The following UNC93A variants were observed in gnomAD, a reference collection of about 807,000 sequenced individuals.
UNC93A encodes the protein N-acetylglucosamine transporter UNC93A.
A neutral mutation model predicts 47.5 loss-of-function variants in UNC93A; 43 were observed. That is an observed-to-expected ratio of 0.91 (90% confidence interval 0.71 to 1.17). The LOEUF is 1.17. Ranked by LOEUF, UNC93A falls within the 50% of genes most tolerant of loss-of-function variation. The probability of loss-of-function intolerance (pLI) is 0.00; values close to 1 mark genes in which losing one functional copy is unlikely to be tolerated. For synonymous variants in UNC93A, 280 were observed against 258.0 expected, an observed-to-expected ratio of 1.09 and a Z score of -0.82; for missense variants, 605 against 577.6, an observed-to-expected ratio of 1.05 and a Z score of -0.49.
chr6:167,307,238 C>A (rs1778423046), intron 6 of UNC93A, among the ~76,000 whole-genome samples: 1 of 152,214 alleles, frequency 6.6e-6, no homozygotes, highest in Non-Finnish European at 1.5e-5. Context: ...CCAAGGCCCT[C>A]CAGGCTGAGG....
intron 1 of UNC93A, among the ~76,000 whole-genome samples, chr6:167,276,254 G>C (rs888584093): frequency 6.6e-6 from 1 of 151,830 alleles, no homozygotes; most frequent in African/African-American, 2.4e-5. Context: ...CATTCATCTG[G>C]TGGTGGACAC....
At chr6:167,287,912 T>G (rs1294960596), upstream of UNC93A, among the ~76,000 whole-genome samples, 1 of 152,106 alleles carries the variant, frequency 6.6e-6, no homozygotes, top group Non-Finnish European at 1.5e-5. Flanking sequence ...GAGCTGCTGC[T>G]CTCCTTCATT....
intron 4 of UNC93A, among the ~76,000 whole-genome samples, chr6:167,299,795 G>A (rs538623657): frequency 1.8e-4 from 28 of 152,348 alleles, no homozygotes; most frequent in South Asian, 6.2e-4. Context: ...GGAAGAGCCC[G>A]CAGGGCTGGG....
chr6:167,279,182 C>T lies in UNC93A; in HGVS notation c.-52+7724C>T, dbSNP rs1346464167. Among the ~76,000 whole-genome samples the T allele has an allele frequency of 2.0e-5, 3 of 152,254 alleles. No homozygotes were observed. The East Asian group carries it at 5.8e-4, about 29-fold the overall frequency. On this transcript the variant is annotated intron_variant, in intron 1 of 3. Transcript: ENST00000503433. ...GAAATCTATGGCACATACTTTTAGG[C>T]TGTTCGTTGTCTTTGAACTATTTTA...
At chr6:167,280,026 A>G (rs2881320) in intron 1 of UNC93A, among the ~76,000 whole-genome samples, 1 of 152,344 alleles carries the variant, frequency 6.6e-6, no homozygotes, top group African/African-American at 2.4e-5. Context: ...CATGAGCACA[A>G]GAAGATGCTT....
chr6:167,297,998 GC>G lies in UNC93A; in HGVS notation c.555del (p.Thr186ProfsTer31). On this transcript the variant is annotated frameshift_variant, in exon 4 of 8. Coordinates refer to ENST00000230256, the MANE Select transcript of UNC93A (RefSeq NM_018974.4). LOFTEE classifies it high-confidence loss of function. ...CTGTGGGGCCAGTGACTGCCTGATG[GC>G]CACCACAACCACCAACAGCACCCAG... ...TSCGASDCLM[A>X]TTTTNSTQRP... 6.2e-7 allele frequency: 1 copy of G among 1,614,014 alleles called. No individual in the cohort carries two copies. The highest frequency in any genetic ancestry group is 1.1e-5 in the South Asian group (1 of 91,068).
At chr6:167,306,711 C>T (rs967923789) in intron 6 of UNC93A, among the ~76,000 whole-genome samples, 5 of 152,332 alleles carry the variant, frequency 3.3e-5, no homozygotes, top group South Asian at 2.1e-4. Context: ...GTTTCCTATC[C>T]GTCTTCACGG....
rs878930856 is a variant in UNC93A at position 167,295,601 on chromosome 6, C to G, written c.270-431C>G. Among the ~76,000 whole-genome samples, 56 of 73,700 alleles carry G rather than the reference C, an allele frequency of 7.6e-4. 7 individuals are homozygous for G. Among genetic ancestry groups the G allele is most frequent in the East Asian group, 1.5e-3 (3 of 2,004 alleles). 48.4% of individuals were successfully genotyped at this position (73,700 alleles called of 152,430 possible). On this transcript the variant is annotated intron_variant, in intron 2 of 7. Transcript: ENST00000230256. Reference sequence around the variant, plus strand: ...CTCGCCTGCCTCGTGCTCCTCGCCTCCCTCGTGCTCCTCGCCTCCCTCGTG... The same window carrying G: ...CTCGCCTGCCTCGTGCTCCTCGCCTGCCTCGTGCTCCTCGCCTCCCTCGTG...
At chr6:167,310,586 A>T (rs1394128639) in intron 7 of UNC93A, among the ~76,000 whole-genome samples, 1 of 152,216 alleles carries the variant, frequency 6.6e-6, no homozygotes, top group Non-Finnish European at 1.5e-5. Flanking sequence ...TTTTTTCAAA[A>T]ATAAACCAAA....
At chr6:167,277,639 C>T (rs1783565256) in intron 1 of UNC93A, among the ~76,000 whole-genome samples, 1 of 151,414 alleles carries the variant, frequency 6.6e-6, no homozygotes, top group Non-Finnish European at 1.5e-5. Context: ...CTTTCTCTCT[C>T]TCTGTCTCCC....
rs1316383932 is a variant in UNC93A, at chr6:167,315,598, T to C, written c.*146T>C. ...AGAGATCATGTTATTTCACTCTTCA[T>C]GTATTTTTTTTCTATTCTAACAAAT... On this transcript the variant is annotated 3_prime_UTR_variant, in exon 8 of 8. Coordinates refer to ENST00000230256, the MANE Select transcript of UNC93A (RefSeq NM_018974.4). The C allele has an allele frequency of 5.7e-6, 6 of 1,050,068 alleles. No individual in the cohort carries two copies. The highest frequency in any genetic ancestry group is 8.0e-6 in the Non-Finnish European group (6 of 750,112). 65.0% of individuals were successfully genotyped at this position (1,050,068 alleles called of 1,614,324 possible). A position where few individuals can be genotyped will look rare whatever the true frequency, so the allele number is the denominator to read the frequency against.
chr6:167,287,571 C>G (rs1463399295), upstream of UNC93A, among the ~76,000 whole-genome samples: 2 of 152,144 alleles, frequency 1.3e-5, no homozygotes, highest in East Asian at 3.8e-4. Flanking sequence ...ATGCCTGGCC[C>G]AGGGTAGACG....
rs1778669067 is a variant in UNC93A, at chr6:167,315,446, A to G, written c.1368A>G (p.Lys456=). 6.8e-6 allele frequency: 11 copies of G among 1,613,862 alleles called. No individual in the cohort carries two copies. The highest frequency in any genetic ancestry group is 1.3e-5 in the African/African-American group (1 of 74,902). The change falls in exon 8 of 8, where the codon AAA becomes AAG. Residue 456 remains lysine (K), a synonymous_variant. Transcript: ENST00000230256. ...NQAEDEEIQT[K]M Reference sequence around the variant, plus strand: ...CAGAGGATGAAGAAATACAAACAAAAATGTGAGAGCAGTGAGGTCCGAGGA... The same window carrying G: ...CAGAGGATGAAGAAATACAAACAAAGATGTGAGAGCAGTGAGGTCCGAGGA...
upstream of UNC93A, among the ~76,000 whole-genome samples, chr6:167,289,513 T>C (rs992848539): frequency 4.6e-5 from 7 of 152,112 alleles, no homozygotes; most frequent in Non-Finnish European, 1.0e-4. Context: ...GTAGAAGTGC[T>C]GGAGGGACAG....
intron 1 of UNC93A, among the ~76,000 whole-genome samples, chr6:167,285,019 T>C (rs1423494100): frequency 6.6e-6 from 1 of 152,210 alleles, no homozygotes; most frequent in Non-Finnish European, 1.5e-5. Flanking sequence ...ATCATCAGCT[T>C]GATTTTCTCC....
intron 7 of UNC93A, among the ~76,000 whole-genome samples, chr6:167,308,884 T>TG (rs1178417416): frequency 6.6e-6 from 1 of 151,772 alleles, no homozygotes; most frequent in Non-Finnish European, 1.5e-5. Flanking sequence ...GGATAGAAGG[T>TG]GACATCCCAT....
upstream of UNC93A, among the ~76,000 whole-genome samples, chr6:167,286,332 C>T (rs952523415): frequency 2.0e-5 from 3 of 152,208 alleles, no homozygotes; most frequent in African/African-American, 7.2e-5. Flanking sequence ...CCTTACCGCC[C>T]GCTGAGCGGG....
At chr6:167,278,560 T>C (rs916143097) in intron 1 of UNC93A, among the ~76,000 whole-genome samples, 2 of 152,228 alleles carry the variant, frequency 1.3e-5, no homozygotes, top group African/African-American at 4.8e-5. Flanking sequence ...ATCCATACAG[T>C]GTTCCAGGGT....
At chr6:167,294,766 A>G (rs1488732160) in intron 2 of UNC93A, 68 bp downstream of exon 2, 22 of 1,492,988 alleles carry the variant, frequency 1.5e-5, no homozygotes, top group Non-Finnish European at 2.0e-5. Context: ...TTCACTCTGC[A>G]CATGAGTTGC....
Sources: allele counts gnomAD v4.1 joint callset (sites outside exome capture counted in the v4.1 genomes callset), GRCh38; gene constraint gnomAD v4.1.1; transcripts MANE v1.5; gene names NCBI Gene and HGNC (gene_info 2026-07-23, HGNC 2026-07-21).